Variants in ZFHX3 observed in about 807,000 individuals in gnomAD.
ZFHX3 encodes the protein zinc finger homeobox 3.
Under a neutral mutation model 279.1 loss-of-function variants are expected in ZFHX3, and 42 were observed. The ratio of observed to expected loss-of-function variants is 0.15; its 90% confidence interval spans 0.12 to 0.19. The LOEUF (loss-of-function observed/expected upper bound fraction) is 0.19. ZFHX3 is among the 10% of genes least tolerant of loss of function. The pLI is 1.00. For synonymous variants in ZFHX3, 2,293 were observed against 1,957.8 expected (o/e 1.17, Z -4.52); for missense variants, 4,981 against 4,754.0 (o/e 1.05, Z -1.40).
At chr16:73,081,831 A>G (rs903179242) in intron 8 of ZFHX3, among the ~76,000 whole-genome samples, 8 of 146,482 alleles carry the variant, frequency 5.5e-5, no homozygotes, top group African/African-American at 2.0e-4. Flanking sequence ...GTTCTTGTCC[A>G]CATCTTTTTT....
At chr16:73,000,253 C>A (rs896733515) in intron 1 of ZFHX3, among the ~76,000 whole-genome samples, 21 of 152,252 alleles carry the variant, frequency 1.4e-4, no homozygotes, top group Admixed American at 8.5e-4. Flanking sequence ...GAGGGAGGGA[C>A]GAAGGGCACG....
At chr16:72,912,224 G>C (rs947854066) in intron 3 of ZFHX3, among the ~76,000 whole-genome samples, 18 of 152,172 alleles carry the variant, frequency 1.2e-4, no homozygotes, top group Non-Finnish European at 2.4e-4. Context: ...GGTGCCGCTG[G>C]GAGCAATGTC....
intron 1 of ZFHX3, among the ~76,000 whole-genome samples, chr16:73,876,494 G>T (rs912219709): frequency 6.6e-6 from 1 of 152,192 alleles, no homozygotes; most frequent in African/African-American, 2.4e-5. Flanking sequence ...TGGGGTATAT[G>T]TGTGTATCCT....
intron 2 of ZFHX3, among the ~76,000 whole-genome samples, chr16:73,647,147 G>T (rs1452262896): frequency 1.3e-5 from 2 of 151,910 alleles, no homozygotes; most frequent in Non-Finnish European, 2.9e-5. Flanking sequence ...GGAGCAGCTG[G>T]GACTACAGGC....
intron 6 of ZFHX3, among the ~76,000 whole-genome samples, chr16:73,143,161 C>G (rs188879840): frequency 5.2e-4 from 79 of 151,942 alleles, no homozygotes; most frequent in African/African-American, 1.8e-3. Flanking sequence ...AGCTCATTCT[C>G]ACATCTCATG....
intron 1 of ZFHX3, among the ~76,000 whole-genome samples, chr16:73,776,031 C>G (rs1959235774): frequency 6.6e-6 from 1 of 152,138 alleles, no homozygotes; most frequent in Non-Finnish European, 1.5e-5. Context: ...CTCTTAAACT[C>G]CTGCAGACCT....
At chr16:73,192,740 G>A (rs1029250379) in intron 5 of ZFHX3, among the ~76,000 whole-genome samples, 1 of 152,170 alleles carries the variant, frequency 6.6e-6, no homozygotes, top group Non-Finnish European at 1.5e-5. Flanking sequence ...CTCATGCGCT[G>A]GTGCTTTAAG....
intron 4 of ZFHX3, among the ~76,000 whole-genome samples, chr16:72,843,362 T>C (rs1287802422): frequency 1.3e-5 from 2 of 151,700 alleles, no homozygotes; most frequent in East Asian, 3.9e-4. Context: ...ATACAAAAAA[T>C]TAGCCGGGCG....
intron 1 of ZFHX3, among the ~76,000 whole-genome samples, chr16:72,978,950 C>A (rs956237430): frequency 5.3e-5 from 8 of 152,178 alleles, no homozygotes; most frequent in African/African-American, 1.7e-4. Flanking sequence ...GACAGATGTT[C>A]TTCTCCCTCT....
intron 1 of ZFHX3, among the ~76,000 whole-genome samples, chr16:73,741,532 C>T (rs1300507507): frequency 1.3e-5 from 2 of 152,102 alleles, no homozygotes; most frequent in Non-Finnish European, 1.5e-5. Flanking sequence ...GGTGTTTTCT[C>T]TATTGTACTT....
chr16:73,568,824 T>G (rs977337880), intron 2 of ZFHX3, among the ~76,000 whole-genome samples: 1 of 152,052 alleles, frequency 6.6e-6, no homozygotes, highest in Non-Finnish European at 1.5e-5. Flanking sequence ...ACAGATTACA[T>G]GGTAAATTAT....
At position 73,412,455 on chromosome 16, in the gene ZFHX3, C is replaced by G. The variant is rs149752567; in HGVS notation, c.-1291+43548G>C. On this transcript the variant is annotated intron_variant, in intron 3 of 17. Transcript: ENST00000641206. ...CAGACCAGACCCTTGCTCAGTTTGT[C>G]ATGGCCATGTTCTTTGTGCTTCCCT... 9.5e-3 allele frequency among the ~76,000 whole-genome samples: 1,449 copies of G among 152,212 alleles called. 35 individuals are homozygous for G. Among genetic ancestry groups the G allele is most frequent in the African/African-American group, 0.032 (1,340 of 41,518 alleles).
chr16:72,895,184 C>A (rs2038869390), intron 3 of ZFHX3, among the ~76,000 whole-genome samples: 1 of 152,194 alleles, frequency 6.6e-6, no homozygotes, highest in African/African-American at 2.4e-5. Context: ...AGGGACTTAA[C>A]CTGCAGGTGA....
At chr16:73,149,020 T>TA (rs1567402823) in intron 5 of ZFHX3, among the ~76,000 whole-genome samples, 3 of 147,994 alleles carry the variant, frequency 2.0e-5, no homozygotes, top group African/African-American at 7.4e-5. Context: ...TATATATATT[T>TA]TATATATATA....
chr16:73,162,188 G>A (rs553646639), intron 5 of ZFHX3, among the ~76,000 whole-genome samples: 5 of 152,310 alleles, frequency 3.3e-5, no homozygotes, highest in South Asian at 2.1e-4. Flanking sequence ...GCAAAGGTTC[G>A]TCTGTATTTA....
intron 1 of ZFHX3, among the ~76,000 whole-genome samples, chr16:72,997,493 C>T (rs922890068): frequency 6.6e-6 from 1 of 152,196 alleles, no homozygotes; most frequent in Non-Finnish European, 1.5e-5. Flanking sequence ...TCAGTCTTCT[C>T]GCTACACATC....
chr16:73,490,938 G>A (rs1199320165), intron 2 of ZFHX3, among the ~76,000 whole-genome samples: 1 of 152,182 alleles, frequency 6.6e-6, no homozygotes, highest in Non-Finnish European at 1.5e-5. Context: ...ATAATACAAT[G>A]TCAGATTTCT....
intron 1 of ZFHX3, among the ~76,000 whole-genome samples, chr16:73,699,568 A>G (rs1431493108): frequency 6.6e-6 from 1 of 152,240 alleles, no homozygotes; most frequent in Non-Finnish European, 1.5e-5. Context: ...CATATTCTGT[A>G]TTTAAGAAAA....
At chr16:73,114,277 A>G (rs192991665) in intron 7 of ZFHX3, among the ~76,000 whole-genome samples, 1 of 151,822 alleles carries the variant, frequency 6.6e-6, no homozygotes, top group African/African-American at 2.4e-5. Context: ...TTCTGAGGCT[A>G]TTTGGTGATG....
Sources: gnomAD v4.1 joint callset for allele counts (sites outside exome capture counted in the v4.1 genomes callset) on GRCh38, gnomAD v4.1.1 for gene constraint, MANE v1.5 for transcripts, NCBI Gene and HGNC (gene_info 2026-07-23, HGNC 2026-07-21) for gene names.